Variants in GSR observed in about 807,000 individuals in gnomAD.
GSR encodes the protein glutathione reductase, mitochondrial.
A neutral mutation model predicts 56.5 loss-of-function variants in GSR; 48 were observed. The ratio of observed to expected loss-of-function variants is 0.85; its 90% CI spans 0.67 to 1.08. The LOEUF (loss-of-function observed/expected upper bound fraction) is 1.08, where lower values mean the gene tolerates loss of function less well. Among genes scored for constraint, GSR ranks in the 50% least tolerant of loss-of-function variants. GSR has a pLI of 0.00. For missense variants in GSR, 694 were observed against 703.3 expected (o/e 0.99, Z 0.15); for synonymous variants, 264 against 270.8 (o/e 0.97, Z 0.25).
At chr8:30,703,754 A>C (rs1412936589) in intron 4 of GSR, among the ~76,000 whole-genome samples, 1 of 146,798 alleles carries the variant, frequency 6.8e-6, no homozygotes, top group Admixed American at 6.8e-5. Context: ...AGGAGGAGAA[A>C]GAAGAAGAAG....
intron 7 of GSR, among the ~76,000 whole-genome samples, chr8:30,695,381 C>G (rs1000406087): frequency 3.1e-4 from 47 of 152,086 alleles, no homozygotes; most frequent in Non-Finnish European, 5.9e-4. Context: ...GATTAGTTGC[C>G]TGCCACCATG....
At chr8:30,696,154 T>C (rs1166912860) in intron 7 of GSR, among the ~76,000 whole-genome samples, 3 of 152,162 alleles carry the variant, frequency 2.0e-5, no homozygotes, top group Non-Finnish European at 4.4e-5. Context: ...TACCACTTAG[T>C]GATGAAATTA....
At chr8:30,721,748 C>G (rs1046214109) in intron 1 of GSR, among the ~76,000 whole-genome samples, 2 of 151,676 alleles carry the variant, frequency 1.3e-5, no homozygotes, top group Non-Finnish European at 2.9e-5. Context: ...TGGACAGACA[C>G]GGTGGCTCAT....
intron 5 of GSR, among the ~76,000 whole-genome samples, chr8:30,702,536 C>T (rs1184199500): frequency 6.6e-6 from 1 of 152,090 alleles, no homozygotes; most frequent in Non-Finnish European, 1.5e-5. Context: ...AATAACAACC[C>T]GTCTGACAAA....
At chr8:30,685,781 G>A (rs367635057) in intron 9 of GSR, among the ~76,000 whole-genome samples, 35 of 152,048 alleles carry the variant, frequency 2.3e-4, no homozygotes, top group Middle Eastern at 3.4e-3. Flanking sequence ...TTTGAGACCA[G>A]CCTGGCCAAC....
rs1803070527 is a variant in GSR, at chr8:30,684,083, C to G, written c.1153+5G>C. The G allele has an allele frequency of 2.1e-6, 3 of 1,452,184 alleles. No individual in the cohort carries two copies. The East Asian group carries it at 6.8e-5, about 33-fold the overall frequency. The allele number at this position is 1,452,184 out of a possible 1,614,324, so 90.0% of individuals were successfully genotyped here. ...CTCCCTCACCAAGAAGGGAAGAGAC[C>G]TTACCTGGAGTAAGAAGAGCTTTTC... is the stretch of plus-strand genomic sequence containing the variant. On this transcript the variant is annotated splice_donor_5th_base_variant and intron_variant, in intron 10 of 12. Transcript: ENST00000221130.
intron 8 of GSR, among the ~76,000 whole-genome samples, chr8:30,692,364 T>C (rs1351699871): frequency 6.7e-6 from 1 of 150,290 alleles, no homozygotes; most frequent in African/African-American, 2.5e-5. Context: ...GCCCAGCTAA[T>C]TTTGTATTTT....
intron 4 of GSR, among the ~76,000 whole-genome samples, chr8:30,703,734 G>A (rs947319907): frequency 6.6e-6 from 1 of 150,436 alleles, no homozygotes; most frequent in Admixed American, 6.7e-5. Context: ...ATGACAAAGT[G>A]AGGGGGAGGA....
intron 1 of GSR, among the ~76,000 whole-genome samples, chr8:30,722,537 G>A (rs1804576925): frequency 2.4e-5 from 1 of 41,052 alleles, no homozygotes; most frequent in South Asian, 8.5e-4. Context: ...ACCAGCCTGG[G>A]CAACAAAGCA....
At chr8:30,693,612 T>A (rs1477018819) in intron 7 of GSR, among the ~76,000 whole-genome samples, 1 of 151,664 alleles carries the variant, frequency 6.6e-6, no homozygotes, top group African/African-American at 2.4e-5. Flanking sequence ...CACTGCAACC[T>A]CCGCCTCCTG....
At chr8:30,683,275 T>TA (rs549169421) in intron 10 of GSR, among the ~76,000 whole-genome samples, 58 of 152,260 alleles carry the variant, frequency 3.8e-4, no homozygotes, top group African/African-American at 1.3e-3. Flanking sequence ...CTAAAGGAGC[T>TA]AAAAGGGTTT....
Position 30,679,290 on chromosome 8 carries a change from G to A in GSR, c.*230C>T. On this transcript the variant is annotated 3_prime_UTR_variant, in exon 13 of 13. Transcript: ENST00000221130. ...AGAGCTGTTAATAAAAAAAAAACTT[G>A]AAAATATTAATTACTGTGAGATGTG... 3.8e-6 allele frequency: 2 copies of A among 519,798 alleles called. No homozygotes were observed. The highest frequency in any genetic ancestry group is 4.4e-5 in the South Asian group (2 of 45,018). 32.2% of individuals were successfully genotyped at this position (519,798 alleles called of 1,614,324 possible).
At chr8:30,683,866 T>G (rs1264806125) in intron 10 of GSR, among the ~76,000 whole-genome samples, 1 of 152,152 alleles carries the variant, frequency 6.6e-6, no homozygotes, top group Non-Finnish European at 1.5e-5. Context: ...GATCATATTG[T>G]CTACATGAAA....
intron 1 of GSR, among the ~76,000 whole-genome samples, chr8:30,712,626 A>T (rs1408043625): frequency 6.6e-6 from 1 of 151,644 alleles, no homozygotes; most frequent in Admixed American, 6.6e-5. Context: ...GTAAGCCATG[A>T]TCATGATCAT....
chr8:30,696,485 A>T lies in GSR; in HGVS notation c.696-6T>A. 6.3e-7 allele frequency: 1 copy of T among 1,584,020 alleles called. No individual in the cohort carries two copies. Among genetic ancestry groups the T allele is most frequent in the Non-Finnish European group, 8.7e-7 (1 of 1,152,594 alleles). On this transcript the variant is annotated splice_region_variant and splice_polypyrimidine_tract_variant and intron_variant, in intron 6 of 12. Transcript: ENST00000221130. ...CACCAACAATGACGCTGCGGCTGAG[A>T]CGCGAGCAGAGGGTTAGTATTCTTA...
chr8:30,699,487 T>C (rs1803655870), intron 6 of GSR, among the ~76,000 whole-genome samples: 1 of 151,682 alleles, frequency 6.6e-6, no homozygotes, highest in Non-Finnish European at 1.5e-5. Context: ...ACTCTCTCTC[T>C]CTTTCTTTCT....
chr8:30,705,989 A>C (rs1023797709), intron 4 of GSR, among the ~76,000 whole-genome samples: 1 of 152,132 alleles, frequency 6.6e-6, no homozygotes, highest in Non-Finnish European at 1.5e-5. Flanking sequence ...TGCTACTGAG[A>C]TCACAGTGGC....
At position 30,727,777 on chromosome 8, in the gene GSR, G is replaced by A. The variant is rs574980735; in HGVS notation, c.59C>T (p.Ala20Val). 1.3e-3 allele frequency: 1,809 copies of A among 1,355,534 alleles called. 3 individuals are homozygous for A. Among genetic ancestry groups the A allele is most frequent in the Non-Finnish European group, 1.2e-3 (1,230 of 1,053,450 alleles). The allele number at this position is 1,355,534 out of a possible 1,614,324, so 84.0% of individuals were successfully genotyped here. A position where few individuals can be genotyped will look rare whatever the true frequency, so the allele number is the denominator to read the frequency against. ...CAGCAGGAAGCCTCGGAAGGCGCGC[G>A]CCGCCCGCCGCCAGCTCGGTCCCGC... ...AGAGPSWRRA[A>V]RAFRGFLLLL... is the part of the protein sequence containing the mutation. Residue 20 changes from alanine to valine, a missense_variant, in exon 1 of 13, where the codon GCG becomes GTG. Coordinates refer to ENST00000221130, the MANE Select transcript of GSR (RefSeq NM_000637.5).
At chr8:30,695,924 C>T (rs894552340) in intron 7 of GSR, among the ~76,000 whole-genome samples, 11 of 152,012 alleles carry the variant, frequency 7.2e-5, no homozygotes, top group African/African-American at 2.7e-4. Context: ...CCTGTAATCC[C>T]AGCTACTTGG....
Sources: allele counts gnomAD v4.1 joint callset (sites outside exome capture counted in the v4.1 genomes callset), GRCh38; gene constraint gnomAD v4.1.1; transcripts MANE v1.5; gene names NCBI Gene and HGNC (gene_info 2026-07-23, HGNC 2026-07-21).